Variants in PHKB observed in about 807,000 individuals in gnomAD.
The protein encoded by PHKB is phosphorylase b kinase regulatory subunit beta.
PHKB carries 122 observed loss-of-function variants against 152.1 expected under a neutral mutation model. That is an observed-to-expected ratio of 0.80 (90% CI 0.69 to 0.93). The LOEUF is 0.93. Ranked by LOEUF, PHKB falls within the 40% of genes least tolerant of loss-of-function variation. The pLI is 0.00. For missense variants in PHKB, 1,304 were observed against 1,328.4 expected (o/e 0.98, Z 0.29); for synonymous variants, 436 against 464.9 (o/e 0.94, Z 0.80).
chr16:47,666,462 T>C (rs1247390205), intron 25 of PHKB, among the ~76,000 whole-genome samples: 5 of 152,130 alleles, frequency 3.3e-5, no homozygotes, highest in Non-Finnish European at 7.4e-5. Context: ...CCAGTGCTGC[T>C]CCCCAGATCC....
At chr16:47,606,533 C>G (rs1972327306) in intron 13 of PHKB, among the ~76,000 whole-genome samples, 1 of 152,132 alleles carries the variant, frequency 6.6e-6, no homozygotes, top group Non-Finnish European at 1.5e-5. Flanking sequence ...TGCCGACTCA[C>G]TTTAGAAGTT....
chr16:47,496,554 C>T (rs763711895), intron 1 of PHKB, among the ~76,000 whole-genome samples: 2 of 152,102 alleles, frequency 1.3e-5, no homozygotes, highest in Non-Finnish European at 2.9e-5. Context: ...GTATACATTA[C>T]CTGAATCCAG....
intron 26 of PHKB, among the ~76,000 whole-genome samples, chr16:47,672,127 T>A (rs1567350279): frequency 6.6e-6 from 1 of 152,196 alleles, no homozygotes; most frequent in Non-Finnish European, 1.5e-5. Context: ...GTGATTTGCC[T>A]GATTTCAACT....
intron 1 of PHKB, among the ~76,000 whole-genome samples, chr16:47,467,527 C>T (rs951237008): frequency 6.6e-6 from 1 of 152,142 alleles, no homozygotes; most frequent in African/African-American, 2.4e-5. Context: ...GCACTGTGCT[C>T]GCTTCATGTA....
intron 20 of PHKB, among the ~76,000 whole-genome samples, chr16:47,658,598 A>G (rs936336644): frequency 6.6e-5 from 10 of 152,212 alleles, no homozygotes; most frequent in African/African-American, 2.4e-4. Context: ...TTCTATCTTT[A>G]GATACACAAA....
At chr16:47,552,497 T>A (rs1488848023) in intron 7 of PHKB, among the ~76,000 whole-genome samples, 2 of 152,158 alleles carry the variant, frequency 1.3e-5, no homozygotes, top group Admixed American at 1.3e-4. Context: ...GGATATGAAA[T>A]TCTGGGTTTA....
At chr16:47,508,401 G>A (rs1970455873) in intron 4 of PHKB, among the ~76,000 whole-genome samples, 1 of 152,034 alleles carries the variant, frequency 6.6e-6, no homozygotes, top group South Asian at 2.1e-4. Flanking sequence ...GCAGACATTT[G>A]CTTTATAATA....
chr16:47,502,740 A>G (rs907206749), intron 3 of PHKB, among the ~76,000 whole-genome samples: 1 of 152,202 alleles, frequency 6.6e-6, no homozygotes, highest in Non-Finnish European at 1.5e-5. Flanking sequence ...GAAATATTGT[A>G]TACTATTTTT....
At chr16:47,673,125 T>C (rs924745210) in intron 26 of PHKB, among the ~76,000 whole-genome samples, 2 of 42,516 alleles carry the variant, frequency 4.7e-5, no homozygotes, top group Admixed American at 7.7e-4. Context: ...GGGAGCAATC[T>C]GGTATTTTTT....
chr16:47,500,143 T>TTC (rs1324449333), intron 3 of PHKB, among the ~76,000 whole-genome samples: 1 of 152,004 alleles, frequency 6.6e-6, no homozygotes, highest in Admixed American at 6.6e-5. Context: ...GTTCAAGCAA[T>TTC]TCTGCTGCCT....
intron 14 of PHKB, among the ~76,000 whole-genome samples, chr16:47,630,133 C>G (rs555188830): frequency 6.6e-6 from 1 of 152,044 alleles, no homozygotes; most frequent in East Asian, 1.9e-4. Flanking sequence ...ATGTAACTAA[C>G]CTGCACATTG....
intron 14 of PHKB, among the ~76,000 whole-genome samples, chr16:47,639,419 A>G (rs559040934): frequency 3.3e-5 from 5 of 152,186 alleles, no homozygotes; most frequent in Admixed American, 2.0e-4. Flanking sequence ...CTTTCTCTCA[A>G]TGGTGAATGG....
At chr16:47,597,678 C>CTTTTTTTTTTTTTTT (rs1010545365) in intron 13 of PHKB, 24 of 107,820 alleles carry the variant, frequency 2.2e-4, no homozygotes, top group African/African-American at 3.7e-4. Flanking sequence ...TTTCTTTTTT[C>CTTTTTTTTTTTTTTT]TTTTTTTTTT....
intron 26 of PHKB, among the ~76,000 whole-genome samples, chr16:47,684,786 A>G (rs1973932862): frequency 6.6e-6 from 1 of 152,194 alleles, no homozygotes; most frequent in African/African-American, 2.4e-5. Context: ...AAAAAAAAAA[A>G]AAGAGTGTTT....
chr16:47,688,785 C>A lies in PHKB; in HGVS notation c.2631-256C>A, dbSNP rs1273992261. Among the ~76,000 whole-genome samples the A allele has an allele frequency of 3.3e-5, 5 of 150,344 alleles. No homozygotes were observed. In the Admixed American group the frequency reaches 3.4e-4, roughly 10 times the overall value. ...CAGTGGATGGGTAAAATCTCACTTG[C>A]TAAGAACCTAAGTACTTACCTATTT... On this transcript the variant is annotated intron_variant, in intron 26 of 30. Transcript: ENST00000323584.
At chr16:47,621,776 C>A (rs1972621885) in intron 14 of PHKB, among the ~76,000 whole-genome samples, 1 of 152,146 alleles carries the variant, frequency 6.6e-6, no homozygotes, top group South Asian at 2.1e-4. Flanking sequence ...TATGCCACAG[C>A]CGCACAGAGT....
chr16:47,580,432 A>C, intron 8 of PHKB, 74 bp downstream of exon 8: 2 of 1,085,052 alleles, frequency 1.8e-6, no homozygotes, highest in Middle Eastern at 2.0e-4. Context: ...TCATTAACAA[A>C]GTCATTTCCT....
At position 47,699,442 on chromosome 16, in the gene PHKB, G is replaced by A. The variant is rs879127649; in HGVS notation, c.*76G>A. 1.3e-6 allele frequency: 2 copies of A among 1,557,328 alleles called. No homozygotes were observed. The highest frequency in any genetic ancestry group is 1.8e-6 in the Non-Finnish European group (2 of 1,128,760). Reference sequence around the variant, plus strand: ...TGTTTCATGTTCAAGCTTAATCAAGGCAGCCATTAATATACGAACTGAGCA... The same window carrying A: ...TGTTTCATGTTCAAGCTTAATCAAGACAGCCATTAATATACGAACTGAGCA... On this transcript the variant is annotated 3_prime_UTR_variant, in exon 31 of 31. Transcript: ENST00000323584.
At chr16:47,494,508 A>G (rs2151640284) in intron 1 of PHKB, among the ~76,000 whole-genome samples, 1 of 152,304 alleles carries the variant, frequency 6.6e-6, no homozygotes, top group South Asian at 2.1e-4. Flanking sequence ...GTGTGGGTGC[A>G]TAGGAAGGAA....
Sources: allele counts gnomAD v4.1 joint callset (sites outside exome capture counted in the v4.1 genomes callset), GRCh38; gene constraint gnomAD v4.1.1; transcripts MANE v1.5; gene names NCBI Gene and HGNC (gene_info 2026-07-23, HGNC 2026-07-21).